FZD3: variants seen among roughly 807,000 people sequenced by gnomAD.
FZD3 encodes the protein frizzled-3.
FZD3 carries 30 observed loss-of-function variants against 60.7 expected under a neutral mutation model. The ratio of observed to expected loss-of-function variants is 0.49; its 90% CI spans 0.37 to 0.67. The LOEUF (loss-of-function observed/expected upper bound fraction) is 0.67, where lower values mean the gene tolerates loss of function less well. Among genes scored for constraint, FZD3 ranks in the 30% least tolerant of loss-of-function variants. FZD3 has a pLI of 0.00. For synonymous variants in FZD3, 246 were observed against 275.2 expected, an observed-to-expected ratio of 0.89 and a Z score of 1.05; for missense variants, 605 against 838.7, an observed-to-expected ratio of 0.72 and a Z score of 3.44.
At chr8:28,542,026 C>T (rs772491408) in intron 5 of FZD3, among the ~76,000 whole-genome samples, 5 of 151,382 alleles carry the variant, frequency 3.3e-5, no homozygotes, top group East Asian at 1.9e-4. Flanking sequence ...AAAACATAAG[C>T]GAGATCATGT....
At chr8:28,498,165 G>C (rs1477258981) in intron 1 of FZD3, among the ~76,000 whole-genome samples, 18 of 152,180 alleles carry the variant, frequency 1.2e-4, no homozygotes. Flanking sequence ...ATGGAGAAGT[G>C]AATGTGTCTC....
chr8:28,524,949 ACT>A (rs1484006864), intron 4 of FZD3, among the ~76,000 whole-genome samples: 1 of 151,886 alleles, frequency 6.6e-6, no homozygotes, highest in African/African-American at 2.4e-5. Flanking sequence ...ATTGATCTTA[ACT>A]CCCACATTCA....
intron 3 of FZD3, among the ~76,000 whole-genome samples, chr8:28,512,516 T>G (rs1804315827): frequency 6.6e-6 from 1 of 152,096 alleles, no homozygotes; most frequent in Admixed American, 6.5e-5. Context: ...CTTTAAGTTC[T>G]AGGGTACATG....
intron 3 of FZD3, among the ~76,000 whole-genome samples, chr8:28,509,663 T>C (rs1409424174): frequency 6.6e-6 from 1 of 152,186 alleles, no homozygotes; most frequent in Non-Finnish European, 1.5e-5. Flanking sequence ...GACCACTCTA[T>C]GTATTTCGTA....
intron 5 of FZD3, among the ~76,000 whole-genome samples, chr8:28,550,032 A>T (rs1308020860): frequency 6.6e-6 from 1 of 152,104 alleles, no homozygotes; most frequent in African/African-American, 2.4e-5. Context: ...TGCTTGCTTT[A>T]TATAAATAAT....
At chr8:28,557,629 A>T (rs1310633335) in intron 7 of FZD3, among the ~76,000 whole-genome samples, 1 of 152,082 alleles carries the variant, frequency 6.6e-6, no homozygotes, top group African/African-American at 2.4e-5. Flanking sequence ...TTTTGAAATG[A>T]CTATTTTGAA....
At chr8:28,551,270 G>A (rs745823900) in intron 5 of FZD3, among the ~76,000 whole-genome samples, 13 of 152,140 alleles carry the variant, frequency 8.5e-5, no homozygotes, top group African/African-American at 2.2e-4. Flanking sequence ...AGTGGCTCAC[G>A]CCTGTAATCC....
rs189378949 is a variant in FZD3 at position 28,526,080 on chromosome 8, T to G, written c.387-1067T>G. On this transcript the variant is annotated intron_variant, in intron 4 of 7. Coordinates refer to ENST00000240093, the MANE Select transcript of FZD3 (RefSeq NM_017412.4). The stretch of plus-strand genomic sequence containing the variant: ...GAGGTGCCTATTAGATACCTAAGTG[T>G]ATATGTTGAGTTGGCAGTTAGATAT... 1.3e-4 allele frequency among the ~76,000 whole-genome samples: 17 copies of G among 126,530 alleles called. 1 individual carries two copies. Among genetic ancestry groups the G allele is most frequent in the Admixed American group, 1.2e-3 (14 of 11,950 alleles). 83.0% of individuals were successfully genotyped at this position (126,530 alleles called of 152,430 possible). A position where few individuals can be genotyped will look rare whatever the true frequency, so the allele number is the denominator to read the frequency against.
intron 3 of FZD3, among the ~76,000 whole-genome samples, chr8:28,516,785 T>C (rs956349678): frequency 9.2e-5 from 14 of 152,122 alleles, no homozygotes; most frequent in Admixed American, 6.5e-4. Flanking sequence ...CTCTCTTATC[T>C]TGCCTTCTTT....
intron 5 of FZD3, among the ~76,000 whole-genome samples, chr8:28,542,142 A>AC (rs1805183636): frequency 7.3e-6 from 1 of 137,024 alleles, no homozygotes; most frequent in African/African-American, 2.7e-5. Flanking sequence ...ATATGACTGG[A>AC]CCCCTACCTC....
At chr8:28,497,625 A>G (rs1803878196) in intron 1 of FZD3, among the ~76,000 whole-genome samples, 1 of 152,242 alleles carries the variant, frequency 6.6e-6, no homozygotes, top group Admixed American at 6.5e-5. Context: ...TGGAAATGCA[A>G]AATGTTACCT....
chr8:28,522,538 G>A (rs1804609925), intron 4 of FZD3, among the ~76,000 whole-genome samples: 1 of 151,954 alleles, frequency 6.6e-6, no homozygotes, highest in Admixed American at 6.6e-5. Context: ...TCTGTAAATT[G>A]GTATAAAACA....
At chr8:28,557,140 T>G (rs1805523219) in intron 7 of FZD3, among the ~76,000 whole-genome samples, 1 of 146,574 alleles carries the variant, frequency 6.8e-6, no homozygotes, top group Non-Finnish European at 1.5e-5. Flanking sequence ...AGCCAGGAGG[T>G]GGAGGTTGGA....
At chr8:28,536,090 T>C (rs939339216) in intron 5 of FZD3, among the ~76,000 whole-genome samples, 2 of 152,220 alleles carry the variant, frequency 1.3e-5, no homozygotes, top group Admixed American at 6.5e-5. Flanking sequence ...CCGGAGTGCT[T>C]TGCACAAAGT....
In FZD3 at chr8:28,570,915, T is replaced by C. The variant is rs1386347824; in HGVS notation, c.*7904T>C. 1 of 152,052 alleles carries C rather than the reference T, an allele frequency of 6.6e-6. No individual in the cohort carries two copies. The highest frequency in any genetic ancestry group is 1.5e-5 in the Non-Finnish European group (1 of 68,004). 9.4% of individuals were successfully genotyped at this position (152,052 alleles called of 1,614,324 possible). A position where few individuals can be genotyped will look rare whatever the true frequency, so the allele number is the denominator to read the frequency against. On this transcript the variant is annotated 3_prime_UTR_variant, in exon 8 of 8. Coordinates refer to ENST00000240093, the MANE Select transcript of FZD3 (RefSeq NM_017412.4). ...TCTTTAGCTACATTTATTCCTTGTCTTATGTCATTTCACTGGATCATGTAA... is the reference window on the plus strand; with the variant it reads ...TCTTTAGCTACATTTATTCCTTGTCCTATGTCATTTCACTGGATCATGTAA...
chr8:28,572,953 G>A lies in FZD3; in HGVS notation c.*9942G>A, dbSNP rs977873817. On this transcript the variant is annotated 3_prime_UTR_variant, in exon 8 of 8. Coordinates refer to ENST00000240093, the MANE Select transcript of FZD3 (RefSeq NM_017412.4). The stretch of plus-strand genomic sequence containing the variant: ...ATATAAATAATATTATGAATAATAA[G>A]GGTAAAAGATTAGCCAACAAAAGCT... 3.3e-5 allele frequency: 5 copies of A among 152,016 alleles called. No individual in the cohort carries two copies. The highest frequency in any genetic ancestry group is 9.7e-5 in the African/African-American group (4 of 41,400). 9.4% of individuals were successfully genotyped at this position (152,016 alleles called of 1,614,324 possible).
At position 28,517,851 on chromosome 8, in the gene FZD3, C is replaced by T. The variant is rs1585960693; in HGVS notation, c.190-2787C>T. ...TGTCTGTTAACTCTAATAGCTGGAT[C>T]ACCACATTTTTTTATTTTTTATTTT... On this transcript the variant is annotated intron_variant, in intron 3 of 7. Transcript: ENST00000240093. Among the ~76,000 whole-genome samples the T allele has an allele frequency of 5.3e-5, 8 of 152,110 alleles. 1 individual carries two copies. The South Asian group carries it at 1.7e-3, about 32-fold the overall frequency.
At position 28,528,181 on chromosome 8, in the gene FZD3, T is replaced by C. The variant is rs376897924; in HGVS notation, c.1404+17T>C. 1.4e-4 allele frequency: 220 copies of C among 1,570,738 alleles called. No homozygotes were observed. Among genetic ancestry groups the C allele is most frequent in the Non-Finnish European group, 1.7e-4 (201 of 1,156,008 alleles). On this transcript the variant is annotated intron_variant, in intron 5 of 7. Transcript: ENST00000240093. ...CCATATCAGGTAAGGGAAACCTTGT[T>C]ACAAATTTCAGAATATATGATAATG...
At chr8:28,535,980 A>G (rs1585981871) in intron 5 of FZD3, among the ~76,000 whole-genome samples, 1 of 152,354 alleles carries the variant, frequency 6.6e-6, no homozygotes, top group African/African-American at 2.4e-5. Flanking sequence ...ACTTGTTGCT[A>G]CCATTCCTTC....
Sources: allele counts gnomAD v4.1 joint callset (sites outside exome capture counted in the v4.1 genomes callset), GRCh38; gene constraint gnomAD v4.1.1; transcripts MANE v1.5; gene names NCBI Gene and HGNC (gene_info 2026-07-23, HGNC 2026-07-21).